The following NDUFB2 variants were observed in gnomAD, a reference collection of about 807,000 sequenced individuals.
NDUFB2 encodes NADH dehydrogenase [ubiquinone] 1 beta subcomplex subunit 2, mitochondrial.
A neutral mutation model predicts 13.4 loss-of-function variants in NDUFB2; 13 were observed. That is an observed-to-expected ratio of 0.97 (90% CI 0.63 to 1.54). The LOEUF is 1.54. Among genes scored for constraint, NDUFB2 ranks in the 40% most tolerant of loss-of-function variants. The pLI, the probability that NDUFB2 is intolerant of heterozygous loss-of-function variation, is 0.00. For missense variants in NDUFB2, 150 were observed against 139.7 expected (o/e 1.07, Z -0.37); for synonymous variants, 47 against 50.6 (o/e 0.93, Z 0.30).
intron 1 of NDUFB2, chr7:140,700,185 A>C (rs945609520): frequency 8.5e-5 from 13 of 152,056 alleles, no homozygotes; most frequent in African/African-American, 2.9e-4. Context: ...GTGCAATGGC[A>C]CGATCTCAGC....
At chr7:140,696,998 G>T in intron 1 of NDUFB2, 156 bp downstream of exon 1, 1 of 676,662 alleles carries the variant, frequency 1.5e-6, no homozygotes, top group East Asian at 2.7e-5. Context: ...GCGACTCGAG[G>T]AGAGGGACCC....
rs1207343249 is a variant in NDUFB2 at position 140,696,733 on chromosome 7, A to G, written c.-12A>G. ...GAGGCGGCTGGGGACCGCGGGGCGG[A>G]CGGGAGCGAGTATGTCCGCTCTGAC... On this transcript the variant is annotated 5_prime_UTR_variant, in exon 1 of 4. Transcript: ENST00000247866. 3.8e-6 allele frequency: 6 copies of G among 1,577,674 alleles called. No individual in the cohort carries two copies. The Admixed American group carries it at 5.5e-5, about 14-fold the overall frequency.
Position 140,704,923 on chromosome 7 carries a change from G to A in NDUFB2, c.307G>A (p.Asp103Asn). The A allele has an allele frequency of 6.2e-7, 1 of 1,600,328 alleles. No individual in the cohort carries two copies. The highest frequency in any genetic ancestry group is 8.5e-7 in the Non-Finnish European group (1 of 1,172,982). Residue 103 changes from aspartate to asparagine, a missense_variant, in exon 3 of 4, where the codon GAT (aspartate) becomes AAT (asparagine). Coordinates refer to ENST00000247866, the MANE Select transcript of NDUFB2 (RefSeq NM_004546.3). ...TGAAGAATTAGGTATCCCTCCTGAT[G>A]ATGAAGACTGAAGGTGTAGACTCAG... is the stretch of plus-strand genomic sequence containing the variant. ...TDEELGIPPD[D>N]ED
intron 1 of NDUFB2, chr7:140,702,380 T>C (rs1480813521): frequency 1.1e-5 from 3 of 273,282 alleles, no homozygotes; most frequent in African/African-American, 6.6e-5. Context: ...TTTAAAGTTC[T>C]TTGTTCAGAG....
In NDUFB2 at chr7:140,696,712, C is replaced by A; in HGVS notation, c.-33C>A. 1.3e-6 allele frequency: 2 copies of A among 1,546,466 alleles called. No individual in the cohort carries two copies. Among genetic ancestry groups the A allele is most frequent in the Non-Finnish European group, 1.7e-6 (2 of 1,143,574 alleles). ...GGAAGCGAAGTAGGCAGGGGCGAGG[C>A]GGCTGGGGACCGCGGGGCGGACGGG... is the stretch of plus-strand genomic sequence containing the variant. On this transcript the variant is annotated 5_prime_UTR_variant, in exon 1 of 4. Coordinates refer to ENST00000247866, the MANE Select transcript of NDUFB2 (RefSeq NM_004546.3).
chr7:140,704,487 G>A (rs559447086), intron 2 of NDUFB2, among the ~76,000 whole-genome samples: 1 of 152,174 alleles, frequency 6.6e-6, no homozygotes, highest in African/African-American at 2.4e-5. Flanking sequence ...TCCACCTGAG[G>A]CTTCTCCATT....
In NDUFB2 at chr7:140,704,876, CT is replaced by C. The variant is rs1445526056; in HGVS notation, c.261del (p.Asp88IlefsTer10). 3 of 1,599,352 alleles carry C rather than the reference CT, an allele frequency of 1.9e-6. No individual in the cohort carries two copies. In the Admixed American group the frequency reaches 5.2e-5, roughly 28 times the overall value. On this transcript the variant is annotated frameshift_variant, in exon 3 of 4. Transcript: ENST00000247866. LOFTEE classifies it high-confidence loss of function. ...TGTCACCAGGGTCACTTTCCGTATC[CT>C]GATCCTTCCCAGTGGACAGATGAAG... ...SEEVLGHFPYPDPSQWTDEEL... is the reference protein window; with the variant it reads ...SEEVLGHFPYXDPSQWTDEEL...
intron 3 of NDUFB2, chr7:140,706,011 T>A (rs866682065): frequency 1.4e-5 from 2 of 147,482 alleles, no homozygotes; most frequent in African/African-American, 5.3e-5. Context: ...ATATTTTATT[T>A]TATTTTATTT....
chr7:140,698,301 A>G, intron 1 of NDUFB2: 1 of 1,350,590 alleles, frequency 7.4e-7, no homozygotes, highest in Non-Finnish European at 9.8e-7. Context: ...CACTTGTTTC[A>G]GAGTGTGTGA....
At chr7:140,697,283 G>A (rs1392046638) in intron 1 of NDUFB2, 1 of 702,584 alleles carries the variant, frequency 1.4e-6, no homozygotes, top group South Asian at 1.5e-5. Context: ...TTAGGGTAGA[G>A]TCTGTTCGGC....
At chr7:140,699,206 G>A (rs1308844781) in intron 1 of NDUFB2, among the ~76,000 whole-genome samples, 1 of 152,150 alleles carries the variant, frequency 6.6e-6, no homozygotes, top group Non-Finnish European at 1.5e-5. Context: ...GTGCATTTTT[G>A]TTTTTAAACT....
chr7:140,706,025 T>TTG (rs1563216310), intron 3 of NDUFB2: 1 of 148,224 alleles, frequency 6.7e-6, no homozygotes, highest in African/African-American at 2.6e-5. Context: ...TTTATTTTAT[T>TTG]TTAGTTTGTT....
Position 140,706,590 on chromosome 7 carries a change from C to T in NDUFB2, c.*57C>T, listed in dbSNP as rs189635680. The T allele has an allele frequency of 3.7e-4, 55 of 150,414 alleles. No homozygotes were observed. Among genetic ancestry groups the T allele is most frequent in the Admixed American group, 2.1e-3 (32 of 14,916 alleles). The allele number at this position is 150,414 out of a possible 1,614,324, so 9.3% of individuals were successfully genotyped here. A position where few individuals can be genotyped will look rare whatever the true frequency, so the allele number is the denominator to read the frequency against. ...GCCAGGTGAGAATTTCAAGGATTAT[C>T]GACTTCATATTGCACATTAAAGTTA... On this transcript the variant is annotated 3_prime_UTR_variant, in exon 4 of 4. Transcript: ENST00000247866.
chr7:140,699,333 G>A (rs1234246245), intron 1 of NDUFB2, among the ~76,000 whole-genome samples: 2 of 151,712 alleles, frequency 1.3e-5, no homozygotes, highest in Non-Finnish European at 2.9e-5. Context: ...TATGTTTTTT[G>A]ATCTTGAGCT....
At chr7:140,701,429 G>C (rs1203852622) in intron 1 of NDUFB2, among the ~76,000 whole-genome samples, 1 of 152,142 alleles carries the variant, frequency 6.6e-6, no homozygotes, top group Non-Finnish European at 1.5e-5. Context: ...TGCCAGCCTG[G>C]CAACATAGGG....
intron 1 of NDUFB2, chr7:140,702,491 T>G: frequency 4.2e-6 from 1 of 240,360 alleles, no homozygotes. Flanking sequence ...CTCAAATAGA[T>G]AGCTAAACAA....
At chr7:140,704,045 G>A (rs1436140586) in intron 2 of NDUFB2, among the ~76,000 whole-genome samples, 1 of 152,200 alleles carries the variant, frequency 6.6e-6, no homozygotes, top group African/African-American at 2.4e-5. Flanking sequence ...GTGAGCCACT[G>A]CGCCCGGCCA....
intron 1 of NDUFB2, among the ~76,000 whole-genome samples, chr7:140,701,454 C>CA (rs1311807618): frequency 6.6e-6 from 1 of 151,746 alleles, no homozygotes; most frequent in Non-Finnish European, 1.5e-5. Context: ...CCTGTCTCTA[C>CA]AAAAAAAATA....
chr7:140,697,113 A>T (rs1794820309), intron 1 of NDUFB2: 1 of 587,148 alleles, frequency 1.7e-6, no homozygotes, highest in African/African-American at 1.9e-5. Context: ...CGCACGCGTG[A>T]ATGCGGAGCG....
Sources: allele counts gnomAD v4.1 joint callset (sites outside exome capture counted in the v4.1 genomes callset), GRCh38; gene constraint gnomAD v4.1.1; transcripts MANE v1.5; gene names NCBI Gene and HGNC (gene_info 2026-07-23, HGNC 2026-07-21).